The following RXYLT1 variants were observed in gnomAD, a reference collection of about 807,000 sequenced individuals.
RXYLT1 encodes ribitol-5-phosphate xylosyltransferase 1.
In RXYLT1, 41 loss-of-function variants were observed where a neutral mutation model predicts 43.5. That is an observed-to-expected ratio of 0.94 (90% CI 0.73 to 1.22). The LOEUF (loss-of-function observed/expected upper bound fraction) is 1.22. RXYLT1 is among the 50% of genes most tolerant of loss of function. The pLI, the probability that RXYLT1 is intolerant of heterozygous loss-of-function variation, is 0.00. For missense variants in RXYLT1, 514 were observed against 532.0 expected, an observed-to-expected ratio of 0.97 and a Z score of 0.33; for synonymous variants, 166 against 194.4, an observed-to-expected ratio of 0.85 and a Z score of 1.21.
intron 2 of RXYLT1, among the ~76,000 whole-genome samples, chr12:63,783,889 C>T (rs980645493): frequency 5.9e-5 from 9 of 152,042 alleles, no homozygotes; most frequent in African/African-American, 1.9e-4. Context: ...AACCTGTTTC[C>T]TTACCGTTTA....
chr12:63,808,869 G>A lies in RXYLT1; in HGVS notation c.1109G>A (p.Gly370Asp), dbSNP rs200223185. ...TGTGGGAATACATCTGTGCACCACGGTGCTCCTCTGCAGTTACTCAAGTCC... is the reference window on the plus strand; with the variant it reads ...TGTGGGAATACATCTGTGCACCACGATGCTCCTCTGCAGTTACTCAAGTCC... ...GNCGNTSVHH[G>D]APLQLLKSMG... The change falls in exon 6 of 6, where the codon GGT (glycine) becomes GAT (aspartate). Residue 370 changes from glycine (G) to aspartate (D), a missense_variant. By Grantham distance (94) the Gly-to-Asp change is moderately conservative. Coordinates refer to ENST00000261234, the MANE Select transcript of RXYLT1 (RefSeq NM_014254.3). 13 of 1,614,130 alleles carry A rather than the reference G, an allele frequency of 8.1e-6. No homozygotes were observed. In the East Asian group the frequency reaches 2.7e-4, roughly 33 times the overall value.
intron 3 of RXYLT1, chr12:63,785,304 T>G (rs1897776199): frequency 8.8e-6 from 2 of 226,074 alleles, no homozygotes; most frequent in Admixed American, 5.4e-5. Context: ...TATGTCTGTT[T>G]TATTTTTACC....
intron 3 of RXYLT1, among the ~76,000 whole-genome samples, chr12:63,786,589 A>G (rs1012424783): frequency 6.6e-6 from 1 of 152,178 alleles, no homozygotes; most frequent in Non-Finnish European, 1.5e-5. Context: ...CCCATCAGCA[A>G]GTCATCTTTT....
intron 4 of RXYLT1, chr12:63,804,420 C>T (rs1219637305): frequency 6.6e-6 from 1 of 152,102 alleles, no homozygotes; most frequent in African/African-American, 2.4e-5. Flanking sequence ...AAATAGGTAA[C>T]TTTTCCTGTA....
intron 2 of RXYLT1, among the ~76,000 whole-genome samples, chr12:63,783,457 T>A (rs1380557823): frequency 6.6e-6 from 1 of 151,382 alleles, no homozygotes; most frequent in Non-Finnish European, 1.5e-5. Flanking sequence ...CGAGACTCTG[T>A]CTCAAAAAAA....
chr12:63,786,268 T>G (rs1009915430), intron 3 of RXYLT1, among the ~76,000 whole-genome samples: 3 of 152,180 alleles, frequency 2.0e-5, no homozygotes, highest in Admixed American at 1.3e-4. Context: ...ATAATAATAG[T>G]GAAAGATTTG....
intron 3 of RXYLT1, among the ~76,000 whole-genome samples, chr12:63,787,808 G>T (rs1212744065): frequency 1.3e-5 from 2 of 152,146 alleles, no homozygotes; most frequent in African/African-American, 4.8e-5. Context: ...TGTATTTTTA[G>T]TGGAGATGGG....
At chr12:63,788,133 G>C (rs1055858994) in intron 3 of RXYLT1, among the ~76,000 whole-genome samples, 20 of 152,164 alleles carry the variant, frequency 1.3e-4, no homozygotes, top group Non-Finnish European at 8.8e-5. Context: ...TCAATAGTAA[G>C]CTTAAAATAT....
rs1002279701 is a variant in RXYLT1 at position 63,785,020 on chromosome 12, G to A, written c.376G>A (p.Val126Met). 6.2e-7 allele frequency: 1 copy of A among 1,613,876 alleles called. No homozygotes were observed. The highest frequency in any genetic ancestry group is 1.7e-5 in the Admixed American group (1 of 60,004). ...TGAAGGCTTACTTGATCCCAGCGAT[G>A]TGACTGCTCAATGGAGAGAAGGAAA... ...IFEGLLDPSD[V>M]TAQWREGKSI... The change falls in exon 3 of 6, where the codon GTG becomes ATG. Residue 126 changes from valine (V) to methionine (M), a missense_variant. Coordinates refer to ENST00000261234, the MANE Select transcript of RXYLT1 (RefSeq NM_014254.3).
At chr12:63,792,514 T>G (rs76393000) in intron 3 of RXYLT1, among the ~76,000 whole-genome samples, 287 of 152,348 alleles carry the variant, frequency 1.9e-3, no homozygotes, top group African/African-American at 6.6e-3. Flanking sequence ...TGAGATGGGC[T>G]TCCAGCCTGG....
At chr12:63,783,199 G>A (rs545677580) in intron 2 of RXYLT1, among the ~76,000 whole-genome samples, 4 of 152,250 alleles carry the variant, frequency 2.6e-5, no homozygotes, top group African/African-American at 9.6e-5. Context: ...GGCGTCTCAC[G>A]CCCGTAATCC....
Position 63,792,382 on chromosome 12 carries a change from C to T in RXYLT1, c.428+7310C>T, listed in dbSNP as rs1328817273. Reference sequence around the variant, plus strand: ...TTCTCTCTCATCACTCCTGTTCAGCCGATGTCTCACCCAAGCCCATGTAGT... The same window carrying T: ...TTCTCTCTCATCACTCCTGTTCAGCTGATGTCTCACCCAAGCCCATGTAGT... On this transcript the variant is annotated intron_variant, in intron 3 of 5. Coordinates refer to ENST00000261234, the MANE Select transcript of RXYLT1 (RefSeq NM_014254.3). Among the ~76,000 whole-genome samples, 7 of 152,186 alleles carry T rather than the reference C, an allele frequency of 4.6e-5. No homozygotes were observed. In the East Asian group the frequency reaches 5.8e-4, roughly 13 times the overall value.
intron 3 of RXYLT1, 27 bp downstream of exon 3, chr12:63,785,099 T>A: frequency 6.5e-7 from 1 of 1,532,888 alleles, no homozygotes; most frequent in Non-Finnish European, 8.9e-7. Flanking sequence ...TTGTGCAACA[T>A]TAACCTTTGA....
At chr12:63,805,195 C>A in intron 4 of RXYLT1, 39 bp from the exon 5 acceptor site, 2 of 1,538,472 alleles carry the variant, frequency 1.3e-6, no homozygotes, top group South Asian at 2.6e-5. Context: ...TTTGCCAATT[C>A]TATATCATAT....
At chr12:63,802,012 A>C in intron 3 of RXYLT1, 79 bp from the exon 4 acceptor site, 1 of 1,316,058 alleles carries the variant, frequency 7.6e-7, no homozygotes, top group Non-Finnish European at 1.0e-6. Context: ...GATTTTGTAT[A>C]AAATGATGAA....
At chr12:63,797,840 T>G (rs920634071) in intron 3 of RXYLT1, among the ~76,000 whole-genome samples, 1 of 151,614 alleles carries the variant, frequency 6.6e-6, no homozygotes, top group Non-Finnish European at 1.5e-5. Flanking sequence ...ATGGATGAAA[T>G]AGGGAAGTGG....
At chr12:63,780,357 G>A in intron 1 of RXYLT1, 2 of 1,287,416 alleles carry the variant, frequency 1.6e-6, no homozygotes, top group African/African-American at 1.6e-5. Context: ...ATCCCAGGGG[G>A]TGACAGGCGC....
At position 63,780,075 on chromosome 12, in the gene RXYLT1, T is replaced by TC. The variant is rs781679424; in HGVS notation, c.119dup (p.Arg41AlafsTer24). On this transcript the variant is annotated frameshift_variant, in exon 1 of 6. Transcript: ENST00000261234. LOFTEE classifies it high-confidence loss of function. ...GCGCCGCCGCCAGGCGCCGGCCGGG[T>TC]CCCCGCGGGGCCTCAGGAAGGGGGC... 21 of 1,597,808 alleles carry TC rather than the reference T, an allele frequency of 1.3e-5. No homozygotes were observed. In the South Asian group the frequency reaches 2.1e-4, roughly 16 times the overall value.
chr12:63,788,117 T>C (rs1897846298), intron 3 of RXYLT1, among the ~76,000 whole-genome samples: 1 of 152,216 alleles, frequency 6.6e-6, no homozygotes. Flanking sequence ...TTCTGAGCAG[T>C]ACTTCTCAAT....
Sources: gnomAD v4.1 joint callset for allele counts (sites outside exome capture counted in the v4.1 genomes callset) on GRCh38, gnomAD v4.1.1 for gene constraint, MANE v1.5 for transcripts, NCBI Gene and HGNC (gene_info 2026-07-23, HGNC 2026-07-21) for gene names.